CCDC50: variants seen among roughly 807,000 people sequenced by gnomAD.
The protein encoded by CCDC50 is coiled-coil domain-containing protein 50.
Under a neutral mutation model 70.2 loss-of-function variants are expected in CCDC50, and 54 were observed. The observed-to-expected ratio is 0.77, with a 90% CI of 0.62 to 0.96. The LOEUF (loss-of-function observed/expected upper bound fraction) is 0.96. CCDC50 is among the 50% of genes least tolerant of loss of function. The pLI is 0.00. For missense variants in CCDC50, 558 were observed against 578.7 expected, an observed-to-expected ratio of 0.96 and a Z score of 0.37; for synonymous variants, 216 against 198.8, an observed-to-expected ratio of 1.09 and a Z score of -0.73.
intron 4 of CCDC50, among the ~76,000 whole-genome samples, 161 bp from the exon 5 acceptor site, chr3:191,369,758 A>C (rs1239507168): frequency 6.6e-6 from 1 of 152,206 alleles, no homozygotes; most frequent in Non-Finnish European, 1.5e-5. Context: ...ACTCCTGTTA[A>C]GCAGTCATCT....
chr3:191,334,066 A>C (rs368651241), intron 1 of CCDC50, among the ~76,000 whole-genome samples: 2 of 152,094 alleles, frequency 1.3e-5, no homozygotes, highest in South Asian at 2.1e-4. Context: ...AATAGGTTTA[A>C]TTTTTTGTTC....
At chr3:191,334,512 T>A (rs998928404) in intron 1 of CCDC50, among the ~76,000 whole-genome samples, 2 of 152,186 alleles carry the variant, frequency 1.3e-5, no homozygotes, top group South Asian at 4.1e-4. Context: ...CCAACTTCCT[T>A]ATTTTCCAGA....
intron 2 of CCDC50, 56 bp downstream of exon 2, chr3:191,357,206 G>A: frequency 6.9e-7 from 1 of 1,453,608 alleles, no homozygotes; most frequent in Non-Finnish European, 9.6e-7. Flanking sequence ...GTGGTAGCTT[G>A]AGGCTGGTTT....
At chr3:191,362,376 C>T (rs1382925051) in intron 4 of CCDC50, among the ~76,000 whole-genome samples, 2 of 152,126 alleles carry the variant, frequency 1.3e-5, no homozygotes, top group South Asian at 4.1e-4. Context: ...CTTCCTGCCT[C>T]AGCCTCCCAA....
intron 4 of CCDC50, among the ~76,000 whole-genome samples, chr3:191,362,208 C>T (rs1287674839): frequency 6.6e-6 from 1 of 152,200 alleles, no homozygotes; most frequent in South Asian, 2.1e-4. Flanking sequence ...CTGCAATCTC[C>T]GCCTCCCAGG....
intron 1 of CCDC50, among the ~76,000 whole-genome samples, chr3:191,356,463 A>C (rs938742248): frequency 4.6e-5 from 7 of 152,218 alleles, no homozygotes; most frequent in East Asian, 1.9e-4. Flanking sequence ...GGGCAGCCCA[A>C]GGTTTAGAGG....
At chr3:191,356,317 C>G (rs1398388565) in intron 1 of CCDC50, among the ~76,000 whole-genome samples, 1 of 152,108 alleles carries the variant, frequency 6.6e-6, no homozygotes, top group Non-Finnish European at 1.5e-5. Context: ...TCTTCAAGAC[C>G]ATTTCTTCCC....
chr3:191,345,571 A>G (rs754350451), intron 1 of CCDC50, among the ~76,000 whole-genome samples: 2 of 152,194 alleles, frequency 1.3e-5, no homozygotes, highest in Non-Finnish European at 2.9e-5. Context: ...TAGATGGTCT[A>G]TGATATTAAA....
At chr3:191,366,226 A>G (rs1004714219) in intron 4 of CCDC50, among the ~76,000 whole-genome samples, 3 of 152,186 alleles carry the variant, frequency 2.0e-5, no homozygotes, top group African/African-American at 4.8e-5. Flanking sequence ...TCATAGCACT[A>G]TTCTTTAAAG....
intron 11 of CCDC50, 84 bp downstream of exon 11, chr3:191,389,686 T>G (rs1288929904): frequency 3.9e-6 from 4 of 1,025,940 alleles, no homozygotes; most frequent in Non-Finnish European, 4.6e-6. Context: ...AAATTCTGTG[T>G]TCCACTAGAG....
intron 4 of CCDC50, 149 bp downstream of exon 4, chr3:191,361,308 C>A: frequency 1.5e-6 from 1 of 680,432 alleles, no homozygotes. Context: ...CTCTGTGGAC[C>A]ATGATTTATA....
At chr3:191,386,216 A>ATTT (rs76983981) in intron 10 of CCDC50, among the ~76,000 whole-genome samples, 2,939 of 125,264 alleles carry the variant, frequency 0.023, 647 homozygotes, top group African/African-American at 0.077. Context: ...TAGTATGGGC[A>ATTT]TTTTTTTTTT....
intron 9 of CCDC50, among the ~76,000 whole-genome samples, chr3:191,381,235 G>A (rs1576973024): frequency 6.6e-6 from 1 of 152,226 alleles, no homozygotes; most frequent in East Asian, 1.9e-4. Flanking sequence ...TTTGATTATA[G>A]AAGAATATAG....
intron 4 of CCDC50, among the ~76,000 whole-genome samples, chr3:191,363,461 C>T (rs1020287840): frequency 4.6e-5 from 7 of 152,128 alleles, no homozygotes; most frequent in Non-Finnish European, 7.3e-5. Flanking sequence ...CCTCAGGTTC[C>T]GAAATGGGTT....
At chr3:191,351,955 T>C (rs1391867357) in intron 1 of CCDC50, among the ~76,000 whole-genome samples, 1 of 104,296 alleles carries the variant, frequency 9.6e-6, no homozygotes, top group African/African-American at 4.5e-5. Flanking sequence ...CTTCTGTGCA[T>C]AGGAATTTTA....
chr3:191,389,418 G>T, intron 10 of CCDC50, 78 bp from the exon 11 acceptor site: 2 of 1,230,702 alleles, frequency 1.6e-6, no homozygotes, highest in Non-Finnish European at 2.4e-6. Flanking sequence ...AATGTTTTTA[G>T]CTTGCAATCC....
chr3:191,375,201 A>G lies in CCDC50; in HGVS notation c.588A>G (p.Gln196=), dbSNP rs1480387569. The part of the protein sequence containing the change: ...HPLENLEEPE[Q]HCSSKRSLSS... Reference sequence around the variant, plus strand: ...TGGAGAACTTGGAAGAGCCAGAACAACATTGTTCATCGAAGAGATCCCTGT... The same window carrying G: ...TGGAGAACTTGGAAGAGCCAGAACAGCATTGTTCATCGAAGAGATCCCTGT... The change falls in exon 6 of 12, where the codon CAA becomes CAG. Residue 196 remains glutamine, a synonymous_variant. Coordinates refer to ENST00000392455, the MANE Select transcript of CCDC50 (RefSeq NM_178335.3). 1.2e-6 allele frequency: 2 copies of G among 1,613,788 alleles called. No individual in the cohort carries two copies. Among genetic ancestry groups the G allele is most frequent in the Non-Finnish European group, 1.7e-6 (2 of 1,179,806 alleles).
rs1713709256 is a variant in CCDC50, at chr3:191,391,917, A to C, written c.*157A>C. The C allele has an allele frequency of 1.4e-6, 1 of 725,088 alleles. No individual in the cohort carries two copies. Among genetic ancestry groups the C allele is most frequent in the East Asian group, 2.8e-5 (1 of 36,328 alleles). The allele number at this position is 725,088 out of a possible 1,614,324, so 44.9% of individuals were successfully genotyped here. A position where few individuals can be genotyped will look rare whatever the true frequency, so the allele number is the denominator to read the frequency against. ...CCATAAGTAATTTTAATTCATTTCA[A>C]ATGTTTTGGTTATTCATGATCACTT... On this transcript the variant is annotated 3_prime_UTR_variant, in exon 12 of 12. Transcript: ENST00000392455.
rs781551546 is a variant in CCDC50, at chr3:191,361,142, C to G, written c.313C>G (p.Gln105Glu). ...LAIEAERRRIQEKKDEDIARL... is the reference protein window; with the variant it reads ...LAIEAERRRIEEKKDEDIARL... ...TATTGAGGCAGAGAGACGACGCATTCAGGAGAAGAAGGATGAGGTATAACT... is the reference window on the plus strand; with the variant it reads ...TATTGAGGCAGAGAGACGACGCATTGAGGAGAAGAAGGATGAGGTATAACT... The change falls in exon 4 of 12, where the codon CAG (glutamine) becomes GAG (glutamate). Residue 105 changes from glutamine to glutamate, a missense_variant. By Grantham distance (29) the Gln-to-Glu change is conservative (BLOSUM62 2). Coordinates refer to ENST00000392455, the MANE Select transcript of CCDC50 (RefSeq NM_178335.3). 6.2e-7 allele frequency: 1 copy of G among 1,613,272 alleles called. No individual in the cohort carries two copies. Among genetic ancestry groups the G allele is most frequent in the Non-Finnish European group, 8.5e-7 (1 of 1,179,322 alleles).
Sources: gnomAD v4.1 joint callset for allele counts (sites outside exome capture counted in the v4.1 genomes callset) on GRCh38, gnomAD v4.1.1 for gene constraint, MANE v1.5 for transcripts, NCBI Gene and HGNC (gene_info 2026-07-23, HGNC 2026-07-21) for gene names.